Variants in MAPRE3 observed in about 807,000 individuals in gnomAD.
MAPRE3 encodes microtubule-associated protein RP/EB family member 3.
Under a neutral mutation model 30.5 loss-of-function variants are expected in MAPRE3, and 2 were observed. The ratio of observed to expected loss-of-function variants is 0.07; its 90% CI spans 0.03 to 0.21. The LOEUF is 0.21. Ranked by LOEUF, MAPRE3 falls within the 10% of genes least tolerant of loss-of-function variation. The probability of loss-of-function intolerance (pLI) is 1.00; values close to 1 mark genes in which losing one functional copy is unlikely to be tolerated. For synonymous variants in MAPRE3, 110 were observed against 127.7 expected (o/e 0.86, Z 0.93); for missense variants, 204 against 351.8 (o/e 0.58, Z 3.36).
chr2:27,002,671 G>T (rs1159996822), intron 1 of MAPRE3, among the ~76,000 whole-genome samples: 1 of 152,178 alleles, frequency 6.6e-6, no homozygotes, highest in African/African-American at 2.4e-5. Flanking sequence ...GGGTCTGCAG[G>T]CTGTCCTGTA....
chr2:26,993,690 C>G (rs1476704822), intron 1 of MAPRE3, among the ~76,000 whole-genome samples: 1 of 152,164 alleles, frequency 6.6e-6, no homozygotes, highest in African/African-American at 2.4e-5. Context: ...GTGACTCCCT[C>G]CCCATGAGAT....
chr2:26,997,513 A>G (rs985697060), intron 1 of MAPRE3, among the ~76,000 whole-genome samples: 3 of 152,194 alleles, frequency 2.0e-5, no homozygotes, highest in East Asian at 1.9e-4. Flanking sequence ...AGATTCCTCA[A>G]ATGCACAGTT....
At chr2:26,999,517 G>GTTTT (rs1558378424) in intron 1 of MAPRE3, among the ~76,000 whole-genome samples, 13 of 117,968 alleles carry the variant, frequency 1.1e-4, no homozygotes, top group African/African-American at 2.1e-4. Context: ...TTTTTTTTTG[G>GTTTT]GATGGAGTTT....
At chr2:26,988,387 C>T (rs193279554) in intron 1 of MAPRE3, among the ~76,000 whole-genome samples, 32 of 152,220 alleles carry the variant, frequency 2.1e-4, no homozygotes, top group African/African-American at 7.5e-4. Flanking sequence ...AAAATGTTGG[C>T]AGAAGAAACC....
chr2:27,004,790 A>G (rs965010409), intron 1 of MAPRE3, among the ~76,000 whole-genome samples: 1 of 151,620 alleles, frequency 6.6e-6, no homozygotes, highest in African/African-American at 2.4e-5. Context: ...GATTTATCCC[A>G]GGATACTAGA....
At chr2:26,982,460 C>T (rs953833288) in intron 1 of MAPRE3, among the ~76,000 whole-genome samples, 2 of 152,230 alleles carry the variant, frequency 1.3e-5, no homozygotes, top group African/African-American at 2.4e-5. Context: ...TTTGTAGTCC[C>T]GTTTCATGAA....
chr2:26,990,012 C>G (rs1273668934), intron 1 of MAPRE3, among the ~76,000 whole-genome samples: 3 of 152,120 alleles, frequency 2.0e-5, no homozygotes, highest in African/African-American at 7.2e-5. Flanking sequence ...GACCCTGTCT[C>G]TACAAAAAAT....
chr2:27,011,567 C>T (rs138742571), intron 1 of MAPRE3, among the ~76,000 whole-genome samples: 2 of 152,116 alleles, frequency 1.3e-5, no homozygotes, highest in Non-Finnish European at 2.9e-5. Flanking sequence ...AATGCTAGGC[C>T]GGACCTGGTG....
At chr2:27,018,530 CAT>C (rs1667037448) in intron 1 of MAPRE3, among the ~76,000 whole-genome samples, 1 of 152,206 alleles carries the variant, frequency 6.6e-6, no homozygotes, top group Non-Finnish European at 1.5e-5. Flanking sequence ...ATACTGTTCT[CAT>C]GTGTGCATTA....
intron 1 of MAPRE3, among the ~76,000 whole-genome samples, chr2:27,000,956 G>A (rs908872329): frequency 1.1e-4 from 16 of 151,988 alleles, no homozygotes; most frequent in African/African-American, 3.4e-4. Flanking sequence ...TTCTCATCAC[G>A]AAAGTAAGAC....
chr2:27,023,516 T>A lies in MAPRE3; in HGVS notation c.267+39T>A. The A allele has an allele frequency of 1.9e-6, 3 of 1,611,838 alleles. No homozygotes were observed. The East Asian group carries it at 6.7e-5, about 36-fold the overall frequency. On this transcript the variant is annotated intron_variant, in intron 3 of 6. Coordinates refer to ENST00000233121, the MANE Select transcript of MAPRE3 (RefSeq NM_012326.4). ...CTCTGGGGGGCCCTGAGGAGCAGTG[T>A]GACCCTGGGGAAGAAGAGGACCCAC...
chr2:27,016,930 A>G (rs1182952518), intron 1 of MAPRE3, among the ~76,000 whole-genome samples: 2 of 152,024 alleles, frequency 1.3e-5, no homozygotes, highest in African/African-American at 4.8e-5. Context: ...CAGGCCCCTC[A>G]GCCAGCCCAG....
chr2:26,976,754 C>T (rs1666021988), intron 1 of MAPRE3, among the ~76,000 whole-genome samples: 1 of 152,136 alleles, frequency 6.6e-6, no homozygotes, highest in Non-Finnish European at 1.5e-5. Context: ...AGATACATAC[C>T]ACTTGTGTGA....
chr2:26,971,872 C>T (rs141304430), intron 1 of MAPRE3, among the ~76,000 whole-genome samples: 24 of 152,234 alleles, frequency 1.6e-4, no homozygotes, highest in African/African-American at 5.5e-4. Context: ...GTGCCTCCTC[C>T]AGCTGTGTGT....
chr2:26,996,317 A>G (rs919279698), intron 1 of MAPRE3, among the ~76,000 whole-genome samples: 1 of 151,500 alleles, frequency 6.6e-6, no homozygotes, highest in African/African-American at 2.4e-5. Context: ...ACCTTGCCCC[A>G]CTAATCTTTT....
At chr2:26,983,914 G>C (rs1014416340) in intron 1 of MAPRE3, among the ~76,000 whole-genome samples, 1 of 152,200 alleles carries the variant, frequency 6.6e-6, no homozygotes, top group Non-Finnish European at 1.5e-5. Context: ...TTTGACTCCA[G>C]GTGTCCCTGG....
At chr2:27,003,162 C>G (rs1259619950) in intron 1 of MAPRE3, 1 of 152,608 alleles carries the variant, frequency 6.6e-6, no homozygotes, top group African/African-American at 2.4e-5. Context: ...CCCTTCTCAT[C>G]CAGTGAGGAG....
intron 1 of MAPRE3, among the ~76,000 whole-genome samples, chr2:26,987,696 A>G (rs1666252936): frequency 6.6e-6 from 1 of 152,164 alleles, no homozygotes; most frequent in Non-Finnish European, 1.5e-5. Flanking sequence ...AAAGTTGGAG[A>G]ATTTCAAAAA....
intron 1 of MAPRE3, among the ~76,000 whole-genome samples, chr2:26,983,689 C>T (rs1666162577): frequency 6.6e-6 from 1 of 152,164 alleles, no homozygotes; most frequent in Non-Finnish European, 1.5e-5. Flanking sequence ...CCACCTAGAG[C>T]AGATGACCTC....
Sources: gnomAD v4.1 joint callset for allele counts (sites outside exome capture counted in the v4.1 genomes callset) on GRCh38, gnomAD v4.1.1 for gene constraint, MANE v1.5 for transcripts, NCBI Gene and HGNC (gene_info 2026-07-23, HGNC 2026-07-21) for gene names.